The following IFI44L variants were observed in gnomAD, a reference collection of about 807,000 sequenced individuals.
IFI44L encodes interferon induced protein 44 like.
IFI44L carries 40 observed loss-of-function variants against 39.3 expected under a neutral mutation model. The ratio of observed to expected loss-of-function variants is 1.02; its 90% CI spans 0.79 to 1.33. The LOEUF is 1.33. Among genes scored for constraint, IFI44L ranks in the 40% most tolerant of loss-of-function variants. The probability of loss-of-function intolerance (pLI) is 0.00; values close to 1 mark genes in which losing one functional copy is unlikely to be tolerated. For missense variants in IFI44L, 623 were observed against 549.0 expected (o/e 1.13, Z -1.35); for synonymous variants, 198 against 182.3 (o/e 1.09, Z -0.69).
rs866991093 is a variant in IFI44L at position 78,628,187 on chromosome 1, A to T, written c.272A>T (p.Asn91Ile). The T allele has an allele frequency of 6.2e-7, 1 of 1,612,936 alleles. No homozygotes were observed. Among genetic ancestry groups the T allele is most frequent in the African/African-American group, 1.3e-5 (1 of 74,996 alleles). Residue 91 changes from asparagine to isoleucine, a missense_variant, in exon 2 of 9, where the codon AAT becomes ATT. Coordinates refer to ENST00000370751, the MANE Select transcript of IFI44L (RefSeq NM_006820.4). ...DSLWFSLQKK[N>I]DTTEIETLLL... ...CTATGGTTTTCACTTCAAAAGAAAA[A>T]TGACACCACTGAAATAGAAACTTTA...
intron 3 of IFI44L, 74 bp downstream of exon 3, chr1:78,629,073 T>G: frequency 1.1e-6 from 1 of 923,864 alleles, no homozygotes; most frequent in Non-Finnish European, 1.8e-6. Flanking sequence ...GACAAATATG[T>G]GGTAAAGATA....
In IFI44L at chr1:78,637,423, G is replaced by A. The variant is rs1329221164; in HGVS notation, c.1048+220G>A. Reference sequence around the variant, plus strand: ...TAGACTGGCCAACCATTTTTTTTTCGTGTGTGATTTTCCTGAGGCTTTAGA... The same window carrying A: ...TAGACTGGCCAACCATTTTTTTTTCATGTGTGATTTTCCTGAGGCTTTAGA... On this transcript the variant is annotated intron_variant, in intron 6 of 8. Transcript: ENST00000370751. Among the ~76,000 whole-genome samples the A allele has an allele frequency of 7.9e-5, 12 of 151,108 alleles. 1 individual carries two copies. The highest frequency in any genetic ancestry group is 6.6e-4 in the Admixed American group (10 of 15,148).
chr1:78,637,038 T>A lies in IFI44L; in HGVS notation c.883T>A (p.Ser295Thr), dbSNP rs765142250. The part of the protein sequence containing the change: ...GCMPDRYQFN[S>T]RKPITPEHST... Reference sequence around the variant, plus strand: ...CCTTATGTTTTTATAACAGTTTAATTCCCGTAAACCAATTACACCTGAGCA... The same window carrying A: ...CCTTATGTTTTTATAACAGTTTAATACCCGTAAACCAATTACACCTGAGCA... The change falls in exon 6 of 9, where the codon TCC becomes ACC. Residue 295 changes from serine (S) to threonine (T), a missense_variant. Coordinates refer to ENST00000370751, the MANE Select transcript of IFI44L (RefSeq NM_006820.4). 1 of 1,608,388 alleles carries A rather than the reference T, an allele frequency of 6.2e-7. No individual in the cohort carries two copies. The highest frequency in any genetic ancestry group is 1.3e-5 in the African/African-American group (1 of 74,816).
At chr1:78,622,302 A>G (rs1270610340) in intron 1 of IFI44L, among the ~76,000 whole-genome samples, 2 of 152,142 alleles carry the variant, frequency 1.3e-5, no homozygotes, top group East Asian at 1.9e-4. Context: ...TGTGTAATAT[A>G]CCACATTTTC....
intron 6 of IFI44L, among the ~76,000 whole-genome samples, chr1:78,639,804 G>A (rs922288557): frequency 5.9e-5 from 9 of 152,064 alleles, no homozygotes; most frequent in South Asian, 2.1e-4. Context: ...CCAAAGCCTC[G>A]TTGCTTACTT....
intron 1 of IFI44L, among the ~76,000 whole-genome samples, chr1:78,622,171 G>A (rs1189782170): frequency 6.6e-6 from 1 of 152,004 alleles, no homozygotes; most frequent in Non-Finnish European, 1.5e-5. Flanking sequence ...GATCTAAAAT[G>A]ATGAGTGAGA....
At chr1:78,641,229 C>CA (rs1557691000) in intron 7 of IFI44L, 108 bp downstream of exon 7, 1 of 910,218 alleles carries the variant, frequency 1.1e-6, no homozygotes, top group East Asian at 2.5e-5. Context: ...AGTGTATTTG[C>CA]AGGGAAATGA....
At chr1:78,627,846 C>A in intron 1 of IFI44L, 60 bp from the exon 2 acceptor site, 3 of 949,584 alleles carry the variant, frequency 3.2e-6, no homozygotes, top group Non-Finnish European at 1.4e-6. Flanking sequence ...GAAGTGGAAA[C>A]CTAAGCTATA....
chr1:78,635,750 T>TA, intron 5 of IFI44L: 1 of 457,888 alleles, frequency 2.2e-6, no homozygotes, highest in South Asian at 2.5e-5. Context: ...AGTGTGTTTT[T>TA]ATCACTCTTT....
intron 4 of IFI44L, among the ~76,000 whole-genome samples, chr1:78,634,958 A>G (rs1185629225): frequency 2.6e-5 from 4 of 151,842 alleles, no homozygotes; most frequent in South Asian, 2.1e-4. Flanking sequence ...TACACAAAAT[A>G]TAAAAAGCAT....
chr1:78,628,660 G>T (rs1375520474), intron 2 of IFI44L: 2 of 511,826 alleles, frequency 3.9e-6, no homozygotes, highest in African/African-American at 3.9e-5. Context: ...TGGAGAGAGA[G>T]AGATCTTATC....
At chr1:78,627,655 C>A (rs1652542566) in intron 1 of IFI44L, 1 of 254,816 alleles carries the variant, frequency 3.9e-6, no homozygotes, top group African/African-American at 2.2e-5. Context: ...ATTTATTTTT[C>A]CTTTATTCAA....
At chr1:78,636,265 A>T (rs1006892950) in intron 5 of IFI44L, among the ~76,000 whole-genome samples, 1 of 152,116 alleles carries the variant, frequency 6.6e-6, no homozygotes, top group Non-Finnish European at 1.5e-5. Flanking sequence ...ACATAAGTCA[A>T]TAACAGCACA....
chr1:78,628,935 T>C lies in IFI44L; in HGVS notation c.479-16T>C, dbSNP rs1047723107. ...CAAGTTTTAAAAATGTATTATGCTA[T>C]GTTTATTTCCTATAGGAATTAAGGA... On this transcript the variant is annotated splice_polypyrimidine_tract_variant and intron_variant, in intron 2 of 8. Coordinates refer to ENST00000370751, the MANE Select transcript of IFI44L (RefSeq NM_006820.4). The C allele has an allele frequency of 8.1e-6, 12 of 1,478,698 alleles. No individual in the cohort carries two copies. The highest frequency in any genetic ancestry group is 1.1e-5 in the Non-Finnish European group (12 of 1,063,720). 91.6% of individuals were successfully genotyped at this position (1,478,698 alleles called of 1,614,324 possible). A position where few individuals can be genotyped will look rare whatever the true frequency, so the allele number is the denominator to read the frequency against.
At chr1:78,629,152 C>G (rs1037414138) in intron 3 of IFI44L, among the ~76,000 whole-genome samples, 153 bp downstream of exon 3, 1 of 152,100 alleles carries the variant, frequency 6.6e-6, no homozygotes, top group African/African-American at 2.4e-5. Context: ...AAAAGCACTA[C>G]TAACTATGAA....
intron 4 of IFI44L, among the ~76,000 whole-genome samples, chr1:78,632,943 C>T (rs1652807594): frequency 6.6e-6 from 1 of 152,070 alleles, no homozygotes; most frequent in African/African-American, 2.4e-5. Flanking sequence ...ATTAAAACAA[C>T]ACTTAAGAGC....
At chr1:78,639,861 GT>G (rs1339642703) in intron 6 of IFI44L, among the ~76,000 whole-genome samples, 9 of 152,068 alleles carry the variant, frequency 5.9e-5, no homozygotes, top group African/African-American at 2.2e-4. Flanking sequence ...GTGCTATGCC[GT>G]TTAATGTATA....
At chr1:78,635,051 C>G (rs1165612436) in intron 4 of IFI44L, among the ~76,000 whole-genome samples, 1 of 147,576 alleles carries the variant, frequency 6.8e-6, no homozygotes, top group African/African-American at 2.5e-5. Flanking sequence ...TATACACACA[C>G]GTTTTACATG....
intron 5 of IFI44L, chr1:78,635,733 A>G (rs941830111): frequency 2.0e-6 from 1 of 502,780 alleles, no homozygotes; most frequent in Non-Finnish European, 3.5e-6. Context: ...TAAAAGATCA[A>G]GGAGATAGTG....
Sources: allele counts gnomAD v4.1 joint callset (sites outside exome capture counted in the v4.1 genomes callset), GRCh38; gene constraint gnomAD v4.1.1; transcripts MANE v1.5; gene names NCBI Gene and HGNC (gene_info 2026-07-23, HGNC 2026-07-21).